The following DNM3 variants were observed in gnomAD, a reference collection of about 807,000 sequenced individuals.
DNM3 encodes dynamin 3, also known as dynamin-3.
In DNM3, 47 loss-of-function variants were observed where a neutral mutation model predicts 101.6. The observed-to-expected ratio is 0.46, with a 90% confidence interval of 0.37 to 0.59. DNM3 has a LOEUF of 0.59. Ranked by LOEUF, DNM3 falls within the 20% of genes least tolerant of loss-of-function variation. DNM3 has a pLI of 0.00. For missense variants in DNM3, 849 were observed against 1,085.7 expected, an observed-to-expected ratio of 0.78 and a Z score of 3.06; for synonymous variants, 385 against 387.9, an observed-to-expected ratio of 0.99 and a Z score of 0.09.
At chr1:172,249,441 C>T (rs973934616) in intron 14 of DNM3, among the ~76,000 whole-genome samples, 2 of 152,132 alleles carry the variant, frequency 1.3e-5, no homozygotes, top group African/African-American at 4.8e-5. Context: ...CTAACTCTTG[C>T]CAAGTGAATT....
intron 14 of DNM3, among the ~76,000 whole-genome samples, chr1:172,211,758 A>T (rs1037684384): frequency 3.3e-5 from 5 of 152,164 alleles, no homozygotes; most frequent in Non-Finnish European, 5.9e-5. Context: ...TTGTACACTG[A>T]TTACTAAAAC....
chr1:172,380,156 G>A (rs954046410), intron 18 of DNM3, among the ~76,000 whole-genome samples: 1 of 151,446 alleles, frequency 6.6e-6, no homozygotes, highest in African/African-American at 2.4e-5. Flanking sequence ...CCTAAGGTGA[G>A]TCTCTTTCAT....
At chr1:172,289,911 AGATATGT>A in intron 15 of DNM3, 1 of 959,596 alleles carries the variant, frequency 1.0e-6, no homozygotes, top group Non-Finnish European at 1.2e-6. Flanking sequence ...CTTTAACTGT[AGATATGT>A]GAAATCAGCA....
chr1:171,892,841 C>A (rs1272536292), intron 1 of DNM3, among the ~76,000 whole-genome samples: 1 of 152,088 alleles, frequency 6.6e-6, no homozygotes, highest in Non-Finnish European at 1.5e-5. Flanking sequence ...AGATCCCTTG[C>A]ATAAGCAGTT....
chr1:172,106,106 A>C (rs561399211), intron 13 of DNM3, among the ~76,000 whole-genome samples: 33 of 152,248 alleles, frequency 2.2e-4, no homozygotes, highest in African/African-American at 7.7e-4. Context: ...CATCAGTTTT[A>C]ATGTTGGATT....
intron 1 of DNM3, among the ~76,000 whole-genome samples, chr1:171,857,800 T>C (rs2033766913): frequency 6.6e-6 from 1 of 152,080 alleles, no homozygotes; most frequent in Non-Finnish European, 1.5e-5. Flanking sequence ...ACCCCAAATA[T>C]AACGATATTT....
At chr1:172,390,133 T>C (rs1183915811) in intron 20 of DNM3, among the ~76,000 whole-genome samples, 1 of 152,216 alleles carries the variant, frequency 6.6e-6, no homozygotes, top group Non-Finnish European at 1.5e-5. Context: ...CAATTTTTTT[T>C]CTCTAAATTC....
intron 13 of DNM3, among the ~76,000 whole-genome samples, chr1:172,129,664 A>T (rs749114412): frequency 6.6e-6 from 1 of 152,068 alleles, no homozygotes; most frequent in Non-Finnish European, 1.5e-5. Flanking sequence ...GTCTTGTGAG[A>T]CTCATTTACT....
intron 11 of DNM3, among the ~76,000 whole-genome samples, chr1:172,076,781 T>G (rs533101383): frequency 6.6e-6 from 1 of 152,298 alleles, no homozygotes; most frequent in East Asian, 1.9e-4. Flanking sequence ...ATTTTCTTTT[T>G]TGTGTGTGTC....
At chr1:172,031,578 AGC>A (rs1203240062) in intron 4 of DNM3, among the ~76,000 whole-genome samples, 1 of 152,212 alleles carries the variant, frequency 6.6e-6, no homozygotes, top group African/African-American at 2.4e-5. Flanking sequence ...TAAAACATAA[AGC>A]AATATAAATT....
At chr1:172,402,429 T>C (rs924463035) in intron 20 of DNM3, among the ~76,000 whole-genome samples, 1 of 152,192 alleles carries the variant, frequency 6.6e-6, no homozygotes, top group African/African-American at 2.4e-5. Flanking sequence ...TCAATTATAA[T>C]TTACAAGTAA....
In DNM3 at chr1:172,408,133, A is replaced by C; in HGVS notation, c.*292A>C. 8.5e-7 allele frequency: 1 copy of C among 1,174,102 alleles called. No individual in the cohort carries two copies. The highest frequency in any genetic ancestry group is 1.1e-6 in the Non-Finnish European group (1 of 945,988). 72.7% of individuals were successfully genotyped at this position (1,174,102 alleles called of 1,614,324 possible). ...ATTTGCCTACCATGGCATATATTTG[A>C]AATTGCTTTGGACAAGTTTTCTAGG... On this transcript the variant is annotated 3_prime_UTR_variant, in exon 21 of 21. Transcript: ENST00000627582.
chr1:172,312,358 A>C (rs1306284238), intron 16 of DNM3, among the ~76,000 whole-genome samples: 4 of 152,198 alleles, frequency 2.6e-5, no homozygotes, highest in Admixed American at 6.5e-5. Flanking sequence ...CTCTATTTTG[A>C]CTGGAAAGAA....
intron 1 of DNM3, among the ~76,000 whole-genome samples, chr1:171,866,624 C>T (rs1248015461): frequency 6.6e-6 from 1 of 152,060 alleles, no homozygotes; most frequent in East Asian, 1.9e-4. Flanking sequence ...ATATTGCTTC[C>T]TCTATAAAGC....
chr1:172,069,206 A>G (rs2125937007), intron 11 of DNM3, among the ~76,000 whole-genome samples: 1 of 152,286 alleles, frequency 6.6e-6, no homozygotes, highest in East Asian at 1.9e-4. Context: ...CATACATCCT[A>G]CTTTGAAAAC....
At chr1:172,340,337 A>T (rs2066629545) in intron 17 of DNM3, among the ~76,000 whole-genome samples, 1 of 152,156 alleles carries the variant, frequency 6.6e-6, no homozygotes, top group Non-Finnish European at 1.5e-5. Context: ...TGGAAGCAGC[A>T]CCGCTCTGTC....
chr1:172,012,257 T>C (rs1295082873), intron 4 of DNM3, among the ~76,000 whole-genome samples: 2 of 152,004 alleles, frequency 1.3e-5, no homozygotes, highest in Non-Finnish European at 2.9e-5. Flanking sequence ...CGTAGGGAGT[T>C]ATTATAGTTA....
At chr1:172,075,828 T>C (rs1414585222) in intron 11 of DNM3, among the ~76,000 whole-genome samples, 1 of 152,222 alleles carries the variant, frequency 6.6e-6, no homozygotes, top group Non-Finnish European at 1.5e-5. Flanking sequence ...AAATTTAAAG[T>C]AGTTTTTTCT....
At chr1:171,875,690 GT>G (rs1402826613) in intron 1 of DNM3, among the ~76,000 whole-genome samples, 1 of 151,792 alleles carries the variant, frequency 6.6e-6, no homozygotes, top group African/African-American at 2.4e-5. Flanking sequence ...AAAAATAGTA[GT>G]ACCTACCTTA....
Sources: allele counts gnomAD v4.1 joint callset (sites outside exome capture counted in the v4.1 genomes callset), GRCh38; gene constraint gnomAD v4.1.1; transcripts MANE v1.5; gene names NCBI Gene and HGNC (gene_info 2026-07-23, HGNC 2026-07-21).